CELF2: variants seen among roughly 807,000 people sequenced by gnomAD.
CELF2 encodes CUGBP Elav-like family member 2.
A neutral mutation model predicts 62.6 loss-of-function variants in CELF2; 8 were observed. The observed-to-expected ratio is 0.13, with a 90% CI of 0.07 to 0.23. The LOEUF is 0.23. Ranked by LOEUF, CELF2 falls within the 10% of genes least tolerant of loss-of-function variation. The probability of loss-of-function intolerance (pLI) is 1.00; values close to 1 mark genes in which losing one functional copy is unlikely to be tolerated. For missense variants in CELF2, 333 were observed against 671.0 expected, an observed-to-expected ratio of 0.50 and a Z score of 5.56; for synonymous variants, 258 against 250.0, an observed-to-expected ratio of 1.03 and a Z score of -0.30.
chr10:11,079,749 C>CCG (rs890781526), intron 1 of CELF2, among the ~76,000 whole-genome samples: 6 of 133,750 alleles, frequency 4.5e-5, no homozygotes, highest in Admixed American at 3.6e-4. Context: ...CAGCCCCCCC[C>CCG]CCCTTTTTAG....
At chr10:10,638,983 A>G in the CELF2 span, among the ~76,000 whole-genome samples, 1 of 152,196 alleles carries the variant, frequency 6.6e-6, no homozygotes, top group African/African-American at 2.4e-5. Flanking sequence ...TTTCTGTTCA[A>G]TCACTATCCA....
chr10:10,619,102 G>A, the CELF2 span, among the ~76,000 whole-genome samples: 27 of 152,180 alleles, frequency 1.8e-4, 1 homozygote, highest in South Asian at 1.0e-3. Flanking sequence ...ATGCCTGGCC[G>A]CCAGATAGCC....
intron 3 of CELF2, among the ~76,000 whole-genome samples, chr10:11,222,721 G>C (rs1169037243): frequency 6.6e-6 from 1 of 152,196 alleles, no homozygotes; most frequent in Admixed American, 6.5e-5. Context: ...CTCTTACATA[G>C]TGAATGCCCG....
intron 9 of CELF2, among the ~76,000 whole-genome samples, chr10:11,304,035 T>A (rs1371304613): frequency 6.6e-6 from 1 of 152,172 alleles, no homozygotes; most frequent in Non-Finnish European, 1.5e-5. Flanking sequence ...GAATGTTAGT[T>A]TCCTGTTGCT....
At chr10:10,600,186 G>C in the CELF2 span, among the ~76,000 whole-genome samples, 1 of 152,228 alleles carries the variant, frequency 6.6e-6, no homozygotes, top group African/African-American at 2.4e-5. Flanking sequence ...TCCCAGGAGG[G>C]GATGCTCAGA....
chr10:10,538,699 A>G, the CELF2 span, among the ~76,000 whole-genome samples: 1 of 152,180 alleles, frequency 6.6e-6, no homozygotes, highest in Non-Finnish European at 1.5e-5. Context: ...AGACTGGAAT[A>G]ACGTTGGAAC....
At chr10:10,868,099 C>T (rs1044861900) in intron 1 of CELF2, among the ~76,000 whole-genome samples, 5 of 152,214 alleles carry the variant, frequency 3.3e-5, no homozygotes, top group African/African-American at 1.2e-4. Flanking sequence ...GTTTTGGTAC[C>T]TGTCCCAGTT....
chr10:10,728,452 CAAAAAAAAAA>C, the CELF2 span, among the ~76,000 whole-genome samples: 10 of 81,440 alleles, frequency 1.2e-4, no homozygotes, highest in African/African-American at 2.4e-4. Flanking sequence ...GACTCTGTTT[CAAAAAAAAAA>C]AAAAAAAAAA....
At chr10:11,197,083 G>GAAAGAAGA (rs1554936937) in intron 2 of CELF2, among the ~76,000 whole-genome samples, 12 of 114,732 alleles carry the variant, frequency 1.0e-4, no homozygotes, top group African/African-American at 4.2e-4. Context: ...AAGAAAGAAA[G>GAAAGAAGA]AAGAAAGAAA....
intron 1 of CELF2, among the ~76,000 whole-genome samples, chr10:11,019,585 T>TC (rs1488878708): frequency 1.3e-5 from 2 of 148,296 alleles, no homozygotes; most frequent in Non-Finnish European, 3.0e-5. Context: ...TGCAAGGACC[T>TC]CCCCACCAAA....
chr10:10,703,233 T>A, the CELF2 span, among the ~76,000 whole-genome samples: 1 of 152,214 alleles, frequency 6.6e-6, no homozygotes. Context: ...TAGTTACAAC[T>A]CTATAGAGTT....
At chr10:10,902,978 G>A (rs2063054046) in intron 1 of CELF2, among the ~76,000 whole-genome samples, 1 of 151,772 alleles carries the variant, frequency 6.6e-6, no homozygotes, top group Non-Finnish European at 1.5e-5. Flanking sequence ...GAGAAGAAGG[G>A]AGGAAGAAAG....
Position 11,197,028 on chromosome 10 carries a change from A to G in CELF2, c.272-20397A>G, listed in dbSNP as rs868004422. 3.5e-3 allele frequency among the ~76,000 whole-genome samples: 73 copies of G among 20,958 alleles called. 9 individuals are homozygous for G. The highest frequency in any genetic ancestry group is 0.028 in the African/African-American group (71 of 2,574). 13.7% of individuals were successfully genotyped at this position (20,958 alleles called of 152,430 possible). ...AGAAAGAAAGAAAGAAAGAAAGAAA[A>G]GAAAGAAAGAAAGAAAGAAAGAAAG... On this transcript the variant is annotated intron_variant, in intron 2 of 12. Transcript: ENST00000633077.
chr10:10,766,572 G>A, the CELF2 span, among the ~76,000 whole-genome samples: 13,130 of 152,162 alleles, frequency 0.086, 854 homozygotes, highest in East Asian at 0.18. Flanking sequence ...TGTCAGCCTC[G>A]GTCTCCACTG....
At chr10:10,780,587 T>G in the CELF2 span, among the ~76,000 whole-genome samples, 1 of 152,156 alleles carries the variant, frequency 6.6e-6, no homozygotes, top group African/African-American at 2.4e-5. Context: ...TTCAAGCGAT[T>G]CTCCTGCCTC....
intron 1 of CELF2, among the ~76,000 whole-genome samples, chr10:11,158,617 A>G (rs530283242): frequency 3.9e-5 from 6 of 152,110 alleles, no homozygotes; most frequent in Non-Finnish European, 8.8e-5. Context: ...ATGTCTCCAA[A>G]TTTACTTCTT....
At chr10:10,632,304 C>T in the CELF2 span, among the ~76,000 whole-genome samples, 2 of 152,142 alleles carry the variant, frequency 1.3e-5, no homozygotes, top group Non-Finnish European at 2.9e-5. Context: ...TCCATTGCCT[C>T]ACCTCATACA....
the CELF2 span, among the ~76,000 whole-genome samples, chr10:10,506,670 A>ATTTTTTTTTTTTTTTTTT: frequency 2.6e-4 from 17 of 64,570 alleles, 2 homozygotes; most frequent in East Asian, 1.8e-3. Flanking sequence ...CCTCCTGTGA[A>ATTTTTTTTTTTTTTTTTT]TTTTTTTTTT....
At chr10:10,611,648 T>C in the CELF2 span, among the ~76,000 whole-genome samples, 8 of 152,188 alleles carry the variant, frequency 5.3e-5, no homozygotes, top group Non-Finnish European at 1.0e-4. Flanking sequence ...CTTGTCTAAC[T>C]TGATTTCCTG....
Sources: gnomAD v4.1 joint callset for allele counts (sites outside exome capture counted in the v4.1 genomes callset) on GRCh38, gnomAD v4.1.1 for gene constraint, MANE v1.5 for transcripts, NCBI Gene and HGNC (gene_info 2026-07-23, HGNC 2026-07-21) for gene names.